ELF1: variants seen among roughly 807,000 people sequenced by gnomAD.
The protein encoded by ELF1 is ETS-related transcription factor Elf-1.
A neutral mutation model predicts 59.9 loss-of-function variants in ELF1; 24 were observed. The ratio of observed to expected loss-of-function variants is 0.40; its 90% confidence interval spans 0.29 to 0.56. The LOEUF (loss-of-function observed/expected upper bound fraction) is 0.56, where lower values mean the gene tolerates loss of function less well. Among genes scored for constraint, ELF1 ranks in the 20% least tolerant of loss-of-function variants. ELF1 has a pLI of 0.44. For missense variants in ELF1, 627 were observed against 742.2 expected (o/e 0.84, Z 1.80); for synonymous variants, 248 against 266.2 (o/e 0.93, Z 0.67).
At position 40,934,416 on chromosome 13, in the gene ELF1, C is replaced by CTTT. The variant is rs10692930; in HGVS notation, c.1257-391_1257-389dup. ...AGCAAATCTGTTTGATTCATTCCTG[C>CTTT]TTTTTTTTTTTTTTTTTTTTTTTTA... On this transcript the variant is annotated intron_variant, in intron 8 of 8. Coordinates refer to ENST00000239882, the MANE Select transcript of ELF1 (RefSeq NM_172373.4). Among the ~76,000 whole-genome samples the CTTT allele has an allele frequency of 7.4e-3, 754 of 102,380 alleles. 55 individuals carry two copies. Among genetic ancestry groups the CTTT allele is most frequent in the South Asian group, 0.011 (32 of 2,942 alleles). The allele number at this position is 102,380 out of a possible 152,430, so 67.2% of individuals were successfully genotyped here. A position where few individuals can be genotyped will look rare whatever the true frequency, so the allele number is the denominator to read the frequency against.
intron 3 of ELF1, among the ~76,000 whole-genome samples, chr13:40,955,723 C>T (rs866683239): frequency 6.7e-5 from 7 of 103,992 alleles, no homozygotes; most frequent in Non-Finnish European, 8.3e-5. Context: ...GGGAGGGAGG[C>T]GGGGAGGTCA....
intron 1 of ELF1, among the ~76,000 whole-genome samples, chr13:41,041,057 C>T (rs1277474133): frequency 6.6e-6 from 1 of 152,050 alleles, no homozygotes; most frequent in African/African-American, 2.4e-5. Flanking sequence ...GAATGTTAAG[C>T]AGCCAGTCAT....
chr13:41,016,341 T>G (rs919731996), intron 1 of ELF1, among the ~76,000 whole-genome samples: 13 of 152,256 alleles, frequency 8.5e-5, no homozygotes, highest in African/African-American at 3.1e-4. Context: ...ATTTCAGACC[T>G]AGAGAATTTC....
At chr13:40,981,208 G>A (rs894864472) in intron 2 of ELF1, among the ~76,000 whole-genome samples, 12 of 152,018 alleles carry the variant, frequency 7.9e-5, no homozygotes, top group African/African-American at 2.7e-4. Context: ...CTAGTACCCT[G>A]TCTGAGTCTC....
At chr13:41,045,911 G>C (rs1001732604) in intron 1 of ELF1, among the ~76,000 whole-genome samples, 1 of 152,244 alleles carries the variant, frequency 6.6e-6, no homozygotes, top group African/African-American at 2.4e-5. Context: ...ATTATTGTGT[G>C]GGAGTCTAAG....
At chr13:40,940,022 CTTGATTCTAGG>C (rs1885412475) in intron 8 of ELF1, among the ~76,000 whole-genome samples, 1 of 152,066 alleles carries the variant, frequency 6.6e-6, no homozygotes, top group Non-Finnish European at 1.5e-5. Context: ...CTAAGTCTGC[CTTGATTCTAGG>C]TAATGTTACC....
At chr13:41,020,198 G>A (rs2138392193), upstream of ELF1, among the ~76,000 whole-genome samples, 1 of 152,320 alleles carries the variant, frequency 6.6e-6, no homozygotes, top group East Asian at 1.9e-4. Flanking sequence ...TTCCAAGTCA[G>A]AATACATCTG....
At chr13:40,964,579 G>C (rs1437268701) in intron 2 of ELF1, among the ~76,000 whole-genome samples, 4 of 151,918 alleles carry the variant, frequency 2.6e-5, no homozygotes, top group Non-Finnish European at 5.9e-5. Context: ...CTGTCACCTA[G>C]GCTGGAGTGC....
rs182680949 is a variant in ELF1, at chr13:40,980,879, C to T, written c.72+1104G>A. Among the ~76,000 whole-genome samples, 416 of 152,246 alleles carry T rather than the reference C, an allele frequency of 2.7e-3. 1 individual carries two copies. Among genetic ancestry groups the T allele is most frequent in the South Asian group, 5.2e-3 (25 of 4,824 alleles). On this transcript the variant is annotated intron_variant, in intron 2 of 8. Transcript: ENST00000239882. Reference sequence around the variant, plus strand: ...TATTTTTAATCAAGACTAAGCAATTCTCTCCCTGAACCTGTTATCCTCCCT... The same window carrying T: ...TATTTTTAATCAAGACTAAGCAATTTTCTCCCTGAACCTGTTATCCTCCCT...
At chr13:40,939,768 C>T (rs988106992) in intron 8 of ELF1, among the ~76,000 whole-genome samples, 35 of 152,010 alleles carry the variant, frequency 2.3e-4, no homozygotes, top group Admixed American at 1.5e-3. Context: ...GATGCTGTGC[C>T]GGGTAAGTAT....
intron 1 of ELF1, among the ~76,000 whole-genome samples, chr13:40,982,622 A>G (rs1873344309): frequency 6.6e-6 from 1 of 151,932 alleles, no homozygotes; most frequent in Non-Finnish European, 1.5e-5. Context: ...TATATAAACA[A>G]TTTCCTTCTT....
At chr13:41,016,252 C>G (rs9566660) in intron 1 of ELF1, among the ~76,000 whole-genome samples, 2 of 152,120 alleles carry the variant, frequency 1.3e-5, no homozygotes. Context: ...ACACTGTGGA[C>G]GATTTCGCAC....
intron 1 of ELF1, among the ~76,000 whole-genome samples, chr13:40,994,515 G>A (rs1874034571): frequency 6.6e-6 from 1 of 151,920 alleles, no homozygotes; most frequent in Non-Finnish European, 1.5e-5. Flanking sequence ...TGGTGGGGGG[G>A]TGCCTGTAAT....
In ELF1 at chr13:40,958,849, G is replaced by C. The variant is rs1312251989; in HGVS notation, c.240C>G (p.Asp80Glu). 1 of 1,611,376 alleles carries C rather than the reference G, an allele frequency of 6.2e-7. No individual in the cohort carries two copies. Among genetic ancestry groups the C allele is most frequent in the Non-Finnish European group, 8.5e-7 (1 of 1,178,480 alleles). The change falls in exon 3 of 9, where the codon GAC becomes GAG. Residue 80 changes from aspartate to glutamate, a missense_variant. Physicochemically the swap from Asp to Glu is conservative, Grantham distance 45. Transcript: ENST00000239882. Reference sequence around the variant, plus strand: ...AGACACACGCACCTGTAAGGGTGATGTCATCATCATCATCGTCTATGATTT... The same window carrying C: ...AGACACACGCACCTGTAAGGGTGATCTCATCATCATCATCGTCTATGATTT... ...EEEIIDDDDD[D>E]ITLTVEASCH...
intron 1 of ELF1, among the ~76,000 whole-genome samples, chr13:41,036,651 A>G (rs1292812702): frequency 6.6e-6 from 1 of 152,198 alleles, no homozygotes; most frequent in Non-Finnish European, 1.5e-5. Context: ...AGACGCATGC[A>G]TACGTATGCT....
intron 5 of ELF1, among the ~76,000 whole-genome samples, chr13:40,949,527 A>C (rs1349066105): frequency 6.6e-6 from 1 of 150,840 alleles, no homozygotes; most frequent in Non-Finnish European, 1.5e-5. Flanking sequence ...CTAATTCTTA[A>C]AATTTTTTGT....
At chr13:41,034,133 T>A (rs1876279906) in intron 1 of ELF1, among the ~76,000 whole-genome samples, 1 of 152,084 alleles carries the variant, frequency 6.6e-6, no homozygotes, top group African/African-American at 2.4e-5. Context: ...ACAAGAGATA[T>A]AATCAAATTG....
chr13:40,951,636 C>T (rs1870857723), intron 3 of ELF1, 200 bp from the exon 4 acceptor site: 8 of 340,534 alleles, frequency 2.3e-5, no homozygotes, highest in South Asian at 7.4e-5. Flanking sequence ...TTTGGGAAGC[C>T]GAGGCAAGCA....
rs1433376921 is a variant in ELF1, at chr13:41,011,689, C to CT, written c.-229+7538dup. 5.9e-5 allele frequency among the ~76,000 whole-genome samples: 9 copies of CT among 152,260 alleles called. No individual in the cohort carries two copies. The East Asian group carries it at 1.2e-3, about 20-fold the overall frequency. On this transcript the variant is annotated intron_variant, in intron 1 of 8. Coordinates refer to ENST00000239882, the MANE Select transcript of ELF1 (RefSeq NM_172373.4). ...AAACTCCTGGGCCCAAGTGATCCAC[C>CT]TGCCTTGGCCTCCCAAAGTGCTGGG... is the stretch of plus-strand genomic sequence containing the variant.
Sources: allele counts gnomAD v4.1 joint callset (sites outside exome capture counted in the v4.1 genomes callset), GRCh38; gene constraint gnomAD v4.1.1; transcripts MANE v1.5; gene names NCBI Gene and HGNC (gene_info 2026-07-23, HGNC 2026-07-21).